The following SLC23A2 variants were observed in gnomAD, a reference collection of about 807,000 sequenced individuals.
The protein encoded by SLC23A2 is solute carrier family 23 member 2.
A neutral mutation model predicts 73.3 loss-of-function variants in SLC23A2; 36 were observed. The observed-to-expected ratio is 0.49, with a 90% CI of 0.38 to 0.65. The LOEUF (loss-of-function observed/expected upper bound fraction) is 0.65. SLC23A2 is among the 30% of genes least tolerant of loss of function. SLC23A2 has a pLI of 0.00. For missense variants in SLC23A2, 507 were observed against 841.6 expected, an observed-to-expected ratio of 0.60 and a Z score of 4.92; for synonymous variants, 343 against 327.3, an observed-to-expected ratio of 1.05 and a Z score of -0.52.
chr20:4,902,656 C>T lies in SLC23A2; in HGVS notation c.208-98G>A. The stretch of plus-strand genomic sequence containing the variant: ...CACTATTACAGAAAAACAACTTTAT[C>T]AAGTGGTTGCCATCTTCCTGCAGTT... On this transcript the variant is annotated intron_variant, in intron 4 of 16. Transcript: ENST00000338244. The surrounding 1 kb of genome is among the most constrained non-coding windows in gnomAD (Gnocchi z 4.0). 1 of 601,342 alleles carries T rather than the reference C, an allele frequency of 1.7e-6. No homozygotes were observed. Among genetic ancestry groups the T allele is most frequent in the Non-Finnish European group, 2.9e-6 (1 of 341,492 alleles). The allele number at this position is 601,342 out of a possible 1,614,324, so 37.3% of individuals were successfully genotyped here.
Position 4,862,714 on chromosome 20 carries a change from A to T in SLC23A2, c.1486+64T>A. Reference sequence around the variant, plus strand: ...CTTCTTACTGAAGGGAGTCAGCAAAAACACCATGACCCCTATTAAAAATTT... The same window carrying T: ...CTTCTTACTGAAGGGAGTCAGCAAATACACCATGACCCCTATTAAAAATTT... On this transcript the variant is annotated intron_variant, in intron 14 of 16. Transcript: ENST00000338244. This position sits in a 1 kb window ranked among gnomAD's most constrained non-coding sequence, Gnocchi z 5.1. 2.7e-6 allele frequency: 4 copies of T among 1,477,668 alleles called. No individual in the cohort carries two copies. Among genetic ancestry groups the T allele is most frequent in the Non-Finnish European group, 3.7e-6 (4 of 1,080,198 alleles). 91.5% of individuals were successfully genotyped at this position (1,477,668 alleles called of 1,614,324 possible).
chr20:4,936,969 G>A (rs575400293), intron 2 of SLC23A2, among the ~76,000 whole-genome samples: 1 of 152,166 alleles, frequency 6.6e-6, no homozygotes, highest in Admixed American at 6.5e-5. Context: ...GGCTCAGGAA[G>A]AGGGGAGCAC....
Position 4,883,754 on chromosome 20 carries a change from G to A in SLC23A2, c.712C>T (p.Leu238=). ...GTCAAGGGACCGATGTACTTCAGTA[G>A]AGCCCCAGGCAGGCCGAGGAGGCCG... ...VIGLLGLPGA[L]LKYIGPLTIT... is the part of the protein sequence containing the mutation. Residue 238 remains leucine, a synonymous_variant, in exon 9 of 17, where the codon CTA becomes TTA. Coordinates refer to ENST00000338244, the MANE Select transcript of SLC23A2 (RefSeq NM_005116.6). This position sits in a 1 kb window ranked among gnomAD's most constrained non-coding sequence, Gnocchi z 4.5. 6.2e-7 allele frequency: 1 copy of A among 1,613,998 alleles called. No individual in the cohort carries two copies. The highest frequency in any genetic ancestry group is 1.1e-5 in the South Asian group (1 of 91,076).
intron 3 of SLC23A2, 53 bp from the exon 4 acceptor site, chr20:4,913,031 C>T (rs1033494362): frequency 8.6e-7 from 1 of 1,162,764 alleles, no homozygotes; most frequent in African/African-American, 1.5e-5. Context: ...CATTTTCCTC[C>T]CCCCGAAAGC....
At chr20:4,997,291 A>G (rs2088040183) in intron 1 of SLC23A2, among the ~76,000 whole-genome samples, 1 of 152,164 alleles carries the variant, frequency 6.6e-6, no homozygotes, top group African/African-American at 2.4e-5. Flanking sequence ...TACCAGCCTT[A>G]CAGTGGTCCG....
rs751462624 is a variant in SLC23A2, at chr20:4,862,738, T to C, written c.1486+40A>G. 2 of 1,581,814 alleles carry C rather than the reference T, an allele frequency of 1.3e-6. No homozygotes were observed. The highest frequency in any genetic ancestry group is 8.6e-7 in the Non-Finnish European group (1 of 1,157,462). On this transcript the variant is annotated intron_variant, in intron 14 of 16. Coordinates refer to ENST00000338244, the MANE Select transcript of SLC23A2 (RefSeq NM_005116.6). This position sits in a 1 kb window ranked among gnomAD's most constrained non-coding sequence, Gnocchi z 5.1. ...AAACACCATGACCCCTATTAAAAAT[T>C]TGGAAAAGTAAAGGAAAAAGCCAGA...
intron 1 of SLC23A2, among the ~76,000 whole-genome samples, chr20:4,985,136 C>CAAA (rs56246524): frequency 5.8e-5 from 6 of 104,020 alleles, no homozygotes; most frequent in African/African-American, 1.4e-4. Context: ...ACTCCGTCTC[C>CAAA]AAAAAAAAAA....
At chr20:5,008,064 C>G (rs140281615) in intron 1 of SLC23A2, among the ~76,000 whole-genome samples, 1,663 of 152,210 alleles carry the variant, frequency 0.011, 42 homozygotes, top group African/African-American at 0.038. Context: ...CATGCGCCAC[C>G]ACACCCGGCT....
intron 7 of SLC23A2, 87 bp downstream of exon 7, chr20:4,885,734 A>G: frequency 2.2e-6 from 2 of 891,410 alleles, no homozygotes; most frequent in Non-Finnish European, 1.9e-6. Context: ...GAAAGGATTT[A>G]GCGCTGCTGA....
chr20:4,904,052 TG>T (rs1931847949), intron 4 of SLC23A2, among the ~76,000 whole-genome samples: 1 of 152,076 alleles, frequency 6.6e-6, no homozygotes, highest in African/African-American at 2.4e-5. Context: ...CCCAGCACCA[TG>T]GGATGCTAAG....
chr20:4,894,605 G>A (rs1338331849), intron 6 of SLC23A2, among the ~76,000 whole-genome samples: 1 of 152,200 alleles, frequency 6.6e-6, no homozygotes, highest in African/African-American at 2.4e-5. Context: ...GGGGAACCAT[G>A]CTGCCTGCTG....
intron 7 of SLC23A2, 29 bp downstream of exon 7, chr20:4,885,792 A>G (rs940067685): frequency 3.4e-6 from 5 of 1,489,114 alleles, no homozygotes; most frequent in Middle Eastern, 3.4e-4. Context: ...AAGGACCCCA[A>G]TGACATATGT....
At chr20:4,931,822 A>C (rs1932794139) in intron 3 of SLC23A2, among the ~76,000 whole-genome samples, 1 of 152,218 alleles carries the variant, frequency 6.6e-6, no homozygotes. Flanking sequence ...CTTGCCATTA[A>C]CCACATCTCC....
chr20:4,967,968 C>G (rs1218593180), intron 2 of SLC23A2, among the ~76,000 whole-genome samples: 3 of 152,096 alleles, frequency 2.0e-5, no homozygotes, highest in Admixed American at 1.3e-4. Context: ...TTAGTAAGAC[C>G]GTGATATTTT....
chr20:4,917,502 C>T (rs1970594356), intron 3 of SLC23A2, among the ~76,000 whole-genome samples: 1 of 152,068 alleles, frequency 6.6e-6, no homozygotes, highest in Admixed American at 6.6e-5. Flanking sequence ...AGGTGCCAGT[C>T]CCAAAGAGAC....
intron 6 of SLC23A2, among the ~76,000 whole-genome samples, chr20:4,886,725 T>C (rs537565091): frequency 1.3e-5 from 2 of 152,348 alleles, no homozygotes; most frequent in East Asian, 3.9e-4. Context: ...TGGGTTAGCA[T>C]GAGAACTTAA....
At chr20:4,880,458 C>T (rs961032455) in intron 9 of SLC23A2, among the ~76,000 whole-genome samples, 4 of 152,030 alleles carry the variant, frequency 2.6e-5, no homozygotes, top group Middle Eastern at 3.2e-3. Flanking sequence ...CCACCCAGAG[C>T]GTAGGCCCTG....
At chr20:4,982,536 C>T (rs180852037) in intron 1 of SLC23A2, among the ~76,000 whole-genome samples, 1 of 152,248 alleles carries the variant, frequency 6.6e-6, no homozygotes, top group African/African-American at 2.4e-5. Context: ...TATGGAAATA[C>T]ACAGGACCCA....
intron 2 of SLC23A2, among the ~76,000 whole-genome samples, chr20:4,942,138 C>T (rs2087051565): frequency 6.6e-6 from 1 of 152,154 alleles, no homozygotes; most frequent in African/African-American, 2.4e-5. Context: ...AGCATCTACC[C>T]CCTTTACAAT....
Sources: gnomAD v4.1 joint callset for allele counts (sites outside exome capture counted in the v4.1 genomes callset) on GRCh38, gnomAD v4.1.1 for gene constraint, Gnocchi (gnomAD v3.1) non-coding constraint, MANE v1.5 for transcripts, NCBI Gene and HGNC (gene_info 2026-07-23, HGNC 2026-07-21) for gene names.